CFAP20DC: variants seen among roughly 807,000 people sequenced by gnomAD.
CFAP20DC encodes the protein protein CFAP20DC.
Under a neutral mutation model 101.7 loss-of-function variants are expected in CFAP20DC, and 84 were observed. The observed-to-expected ratio is 0.83, with a 90% confidence interval of 0.69 to 0.99. The LOEUF is 0.99. Ranked by LOEUF, CFAP20DC falls within the 50% of genes least tolerant of loss-of-function variation. CFAP20DC has a pLI of 0.00. For synonymous variants in CFAP20DC, 359 were observed against 351.2 expected (o/e 1.02, Z -0.25); for missense variants, 1,007 against 970.3 (o/e 1.04, Z -0.50).
chr3:58,895,952 G>T (rs757759871), intron 6 of CFAP20DC, among the ~76,000 whole-genome samples: 1 of 152,162 alleles, frequency 6.6e-6, no homozygotes, highest in Non-Finnish European at 1.5e-5. Context: ...AACAGCACAA[G>T]AACGACCTGC....
chr3:58,779,300 T>C (rs1353108568), intron 15 of CFAP20DC, among the ~76,000 whole-genome samples: 2 of 151,906 alleles, frequency 1.3e-5, no homozygotes, highest in African/African-American at 4.8e-5. Flanking sequence ...ACACATAGAC[T>C]AAAAATAAAG....
At chr3:58,764,065 C>G (rs2069994549) in intron 15 of CFAP20DC, among the ~76,000 whole-genome samples, 1 of 152,178 alleles carries the variant, frequency 6.6e-6, no homozygotes, top group African/African-American at 2.4e-5. Context: ...TCAAAGCTGT[C>G]AGACAGGGAC....
At chr3:58,808,379 T>C (rs1021943910) in intron 14 of CFAP20DC, among the ~76,000 whole-genome samples, 1 of 152,226 alleles carries the variant, frequency 6.6e-6, no homozygotes, top group Admixed American at 6.5e-5. Flanking sequence ...GCAGAAATTC[T>C]ACAAGCCAGA....
At chr3:59,013,428 A>C (rs2093628366) in intron 4 of CFAP20DC, among the ~76,000 whole-genome samples, 1 of 152,190 alleles carries the variant, frequency 6.6e-6, no homozygotes, top group South Asian at 2.1e-4. Flanking sequence ...CATGTCTGCT[A>C]CTTGAAAGGA....
intron 13 of CFAP20DC, among the ~76,000 whole-genome samples, chr3:58,835,529 A>G (rs2076677608): frequency 6.6e-6 from 1 of 152,162 alleles, no homozygotes; most frequent in African/African-American, 2.4e-5. Flanking sequence ...ACTTACTGAG[A>G]CCCTATTATG....
intron 4 of CFAP20DC, among the ~76,000 whole-genome samples, chr3:58,940,302 G>A (rs2088356498): frequency 6.6e-6 from 1 of 152,210 alleles, no homozygotes; most frequent in South Asian, 2.1e-4. Flanking sequence ...GAATTTTCAT[G>A]AAATATAGTT....
At chr3:58,842,801 C>G (rs549195507) in intron 13 of CFAP20DC, among the ~76,000 whole-genome samples, 7 of 152,318 alleles carry the variant, frequency 4.6e-5, no homozygotes, top group Admixed American at 1.3e-4. Flanking sequence ...TCTCCCAGCA[C>G]GCAGCTGGAG....
At chr3:58,790,224 T>C (rs866351111) in intron 15 of CFAP20DC, among the ~76,000 whole-genome samples, 5 of 152,226 alleles carry the variant, frequency 3.3e-5, no homozygotes, top group Admixed American at 6.5e-5. Flanking sequence ...TGACTTCTAA[T>C]ACCCATGGCT....
chr3:59,020,070 TG>T (rs2093772538), intron 4 of CFAP20DC, among the ~76,000 whole-genome samples: 1 of 152,124 alleles, frequency 6.6e-6, no homozygotes, highest in African/African-American at 2.4e-5. Context: ...AAATTATTTT[TG>T]TAAGTATAAT....
intron 14 of CFAP20DC, among the ~76,000 whole-genome samples, chr3:58,827,634 C>G (rs149570643): frequency 6.6e-6 from 1 of 152,280 alleles, no homozygotes; most frequent in African/African-American, 2.4e-5. Context: ...TGAACTTTGG[C>G]TTAACTGTTG....
intron 6 of CFAP20DC, among the ~76,000 whole-genome samples, chr3:58,911,710 A>G (rs1352086733): frequency 6.6e-6 from 1 of 152,160 alleles, no homozygotes; most frequent in African/African-American, 2.4e-5. Flanking sequence ...GAAAAAAACC[A>G]TGGATATTCC....
chr3:58,820,275 G>A (rs1481172505), intron 14 of CFAP20DC, among the ~76,000 whole-genome samples: 1 of 149,274 alleles, frequency 6.7e-6, no homozygotes, highest in Non-Finnish European at 1.5e-5. Flanking sequence ...TCAACATAGT[G>A]TTGGAAGTTC....
chr3:58,916,794 T>C (rs2084782184), intron 5 of CFAP20DC, among the ~76,000 whole-genome samples: 1 of 152,174 alleles, frequency 6.6e-6, no homozygotes, highest in African/African-American at 2.4e-5. Context: ...CCAATACTCA[T>C]ATGCTTCAAC....
At chr3:58,810,360 C>A (rs2074508308) in intron 14 of CFAP20DC, among the ~76,000 whole-genome samples, 1 of 152,088 alleles carries the variant, frequency 6.6e-6, no homozygotes, top group South Asian at 2.1e-4. Context: ...CCACCATGAT[C>A]AAGTGGGCTT....
intron 4 of CFAP20DC, among the ~76,000 whole-genome samples, chr3:58,965,066 C>T (rs1295769855): frequency 6.6e-6 from 1 of 152,158 alleles, no homozygotes; most frequent in East Asian, 1.9e-4. Flanking sequence ...AATTTGTCTT[C>T]ATACCTCTAC....
chr3:58,750,204 T>C (rs2068471923), intron 16 of CFAP20DC, among the ~76,000 whole-genome samples: 1 of 152,208 alleles, frequency 6.6e-6, no homozygotes, highest in African/African-American at 2.4e-5. Context: ...ATATAACTCA[T>C]GCATTTACTT....
At chr3:58,947,304 T>C (rs572870884) in intron 4 of CFAP20DC, among the ~76,000 whole-genome samples, 102 of 152,246 alleles carry the variant, frequency 6.7e-4, no homozygotes, top group African/African-American at 2.3e-3. Context: ...CCAGTGGTAT[T>C]AGGGGAAAAG....
At chr3:58,978,721 A>C (rs948453421) in intron 4 of CFAP20DC, among the ~76,000 whole-genome samples, 1 of 151,698 alleles carries the variant, frequency 6.6e-6, no homozygotes, top group African/African-American at 2.4e-5. Flanking sequence ...GTCTGCAAAA[A>C]AAAAAAAAAA....
chr3:59,037,885 G>A (rs768502403), intron 4 of CFAP20DC, among the ~76,000 whole-genome samples: 13 of 152,176 alleles, frequency 8.5e-5, no homozygotes, highest in South Asian at 4.2e-4. Flanking sequence ...CCAAATGCCC[G>A]TCAATGATAG....
Sources: gnomAD v4.1 joint callset for allele counts (sites outside exome capture counted in the v4.1 genomes callset) on GRCh38, gnomAD v4.1.1 for gene constraint, MANE v1.5 for transcripts, NCBI Gene and HGNC (gene_info 2026-07-23, HGNC 2026-07-21) for gene names.